The following KLHL29 variants were observed in gnomAD, a reference collection of about 807,000 sequenced individuals.
KLHL29 encodes kelch-like protein 29.
KLHL29 carries 21 observed loss-of-function variants against 80.4 expected under a neutral mutation model. That is an observed-to-expected ratio of 0.26 (90% CI 0.19 to 0.38). The LOEUF is 0.38. Among genes scored for constraint, KLHL29 ranks in the 10% least tolerant of loss-of-function variants. KLHL29 has a pLI of 1.00. For missense variants in KLHL29, 867 were observed against 1,223.9 expected, an observed-to-expected ratio of 0.71 and a Z score of 4.35; for synonymous variants, 511 against 526.8, an observed-to-expected ratio of 0.97 and a Z score of 0.41.
chr2:23,596,953 T>A lies in KLHL29; in HGVS notation c.285+34472T>A, dbSNP rs773395425. 8.5e-5 allele frequency among the ~76,000 whole-genome samples: 13 copies of A among 152,114 alleles called. No homozygotes were observed. Among genetic ancestry groups the A allele is most frequent in the African/African-American group, 2.7e-4 (11 of 41,422 alleles). On this transcript the variant is annotated intron_variant, in intron 3 of 13. Transcript: ENST00000486442. This position sits in a 1 kb window ranked among gnomAD's most constrained non-coding sequence, Gnocchi z 4.4. ...GGAAAGCTCAGGGCTGCGTTTAGAA[T>A]CAAATAGAGCTAATGGTGAAGTCTC...
Position 23,459,878 on chromosome 2 carries a change from A to G in KLHL29, c.-153-15682A>G, listed in dbSNP as rs555782495. ...ACCTTAACAAGAGAACTTTGGATAG[A>G]GTGATGGGCTAAGGGGTGAATGGGA... On this transcript the variant is annotated intron_variant, in intron 1 of 13. Transcript: ENST00000486442. 2.0e-5 allele frequency among the ~76,000 whole-genome samples: 3 copies of G among 152,266 alleles called. No homozygotes were observed. In the South Asian group the frequency reaches 6.2e-4, roughly 32 times the overall value.
rs1010502762 is a variant in KLHL29, at chr2:23,682,046, T to G, written c.941-2353T>G. On this transcript the variant is annotated intron_variant, in intron 5 of 13. Coordinates refer to ENST00000486442, the MANE Select transcript of KLHL29 (RefSeq NM_052920.2). The surrounding 1 kb of genome is among the most constrained non-coding windows in gnomAD (Gnocchi z 4.1). ...GGCCCCACCCCACAACTGATCTTCTTGTTCCCTCCCTTCCTGATGTCCCAC... is the reference window on the plus strand; with the variant it reads ...GGCCCCACCCCACAACTGATCTTCTGGTTCCCTCCCTTCCTGATGTCCCAC... 1.3e-5 allele frequency among the ~76,000 whole-genome samples: 2 copies of G among 152,046 alleles called. No individual in the cohort carries two copies. The highest frequency in any genetic ancestry group is 2.9e-5 in the Non-Finnish European group (2 of 68,014).
At chr2:23,450,355 C>A (rs559943436) in intron 1 of KLHL29, among the ~76,000 whole-genome samples, 3 of 152,086 alleles carry the variant, frequency 2.0e-5, no homozygotes, top group African/African-American at 7.2e-5. Context: ...GCTTAGATTG[C>A]GGCCTGCACA....
At chr2:23,429,037 C>T (rs967958806) in intron 1 of KLHL29, among the ~76,000 whole-genome samples, 1 of 152,202 alleles carries the variant, frequency 6.6e-6, no homozygotes, top group Non-Finnish European at 1.5e-5. Context: ...GGCCTTGACT[C>T]CCCTGTGTGC....
Position 23,532,701 on chromosome 2 carries a change from G to A in KLHL29, c.-45-29451G>A, listed in dbSNP as rs1052584116. On this transcript the variant is annotated intron_variant, in intron 2 of 13. Transcript: ENST00000486442. The stretch of plus-strand genomic sequence containing the variant: ...CCTGTGGTTTGGGGTCAGCATGGGG[G>A]TGGGTGTCAGGTGGGAGGAGGTGTG... 13 of 455,244 alleles carry A rather than the reference G, an allele frequency of 2.9e-5. No homozygotes were observed. In the East Asian group the frequency reaches 8.3e-4, roughly 29 times the overall value. The allele number at this position is 455,244 out of a possible 1,614,324, so 28.2% of individuals were successfully genotyped here.
intron 1 of KLHL29, among the ~76,000 whole-genome samples, chr2:23,416,420 C>T (rs920256924): frequency 6.6e-6 from 1 of 152,180 alleles, no homozygotes; most frequent in African/African-American, 2.4e-5. Context: ...GTTTCTTCAT[C>T]TAGCAAAAGG....
intron 3 of KLHL29, among the ~76,000 whole-genome samples, chr2:23,613,503 T>C (rs1349322187): frequency 6.6e-6 from 1 of 152,078 alleles, no homozygotes; most frequent in Admixed American, 6.5e-5. Flanking sequence ...CGGTGGCTCG[T>C]GCCTGTGATC....
At chr2:23,673,621 C>G (rs1462086201) in intron 5 of KLHL29, among the ~76,000 whole-genome samples, 1 of 151,572 alleles carries the variant, frequency 6.6e-6, no homozygotes, top group Non-Finnish European at 1.5e-5. Flanking sequence ...ACCACCTCCT[C>G]TCACACACAC....
intron 5 of KLHL29, chr2:23,672,065 C>T (rs919709905): frequency 1.3e-5 from 2 of 152,274 alleles, no homozygotes; most frequent in African/African-American, 2.4e-5. Context: ...CAGAGCCTGC[C>T]CAGGCCCTGG....
Position 23,461,975 on chromosome 2 carries a change from C to CTTTTTTTTTTT in KLHL29, c.-153-13585_-153-13584insTTTTTTTTTTT, listed in dbSNP as rs1164075132. The stretch of plus-strand genomic sequence containing the variant: ...GTGCAAAAGTAATTGCGGTTTTTGC[C>CTTTTTTTTTTT]ATTTTTTTTTTTTTAATGACAAAAA... On this transcript the variant is annotated intron_variant, in intron 1 of 13. Coordinates refer to ENST00000486442, the MANE Select transcript of KLHL29 (RefSeq NM_052920.2). Among the ~76,000 whole-genome samples, 484 of 79,450 alleles carry CTTTTTTTTTTT rather than the reference C, an allele frequency of 6.1e-3. 18 individuals are homozygous for CTTTTTTTTTTT. Among genetic ancestry groups the CTTTTTTTTTTT allele is most frequent in the African/African-American group, 0.015 (348 of 23,046 alleles). 52.1% of individuals were successfully genotyped at this position (79,450 alleles called of 152,430 possible).
intron 3 of KLHL29, among the ~76,000 whole-genome samples, chr2:23,618,348 C>T (rs1047864143): frequency 2.6e-5 from 4 of 152,048 alleles, no homozygotes; most frequent in Non-Finnish European, 5.9e-5. Context: ...TGGGTGTGTC[C>T]GTGAGGGTGT....
intron 3 of KLHL29, chr2:23,616,516 CA>C (rs1669010437): frequency 6.6e-6 from 1 of 152,146 alleles, no homozygotes; most frequent in South Asian, 2.1e-4. Flanking sequence ...TTTTTAAAAT[CA>C]AGATTTTATT....
chr2:23,592,228 ACGTCAGAAGCCCGGC>A (rs1294498005), intron 3 of KLHL29, among the ~76,000 whole-genome samples: 1 of 142,752 alleles, frequency 7.0e-6, no homozygotes, highest in Admixed American at 7.3e-5. Context: ...GCACAGGAGC[ACGTCAGAAGCCCGGC>A]CATCAGGCTG....
chr2:23,565,611 C>A (rs1667571630), intron 3 of KLHL29, among the ~76,000 whole-genome samples: 1 of 152,082 alleles, frequency 6.6e-6, no homozygotes, highest in Admixed American at 6.6e-5. Flanking sequence ...AGCTGTGGCG[C>A]CCTTTCCTCT....
At chr2:23,487,048 G>A (rs1163467305) in intron 2 of KLHL29, among the ~76,000 whole-genome samples, 1 of 152,124 alleles carries the variant, frequency 6.6e-6, no homozygotes, top group African/African-American at 2.4e-5. Context: ...ATCCAAGGTC[G>A]CTGAACTAGA....
chr2:23,639,401 C>G, intron 4 of KLHL29, 121 bp downstream of exon 4: 1 of 962,318 alleles, frequency 1.0e-6, no homozygotes, highest in Non-Finnish European at 1.5e-6. Context: ...CAGAAGCCCC[C>G]TCCTCAGGTT....
At chr2:23,494,723 A>G (rs9309130) in intron 2 of KLHL29, among the ~76,000 whole-genome samples, 45,767 of 152,028 alleles carry the variant, frequency 0.3, 7,116 homozygotes, top group South Asian at 0.38. Context: ...GGATCATGAA[A>G]GACCCCCTCG....
chr2:23,507,385 C>T (rs1266487421), intron 2 of KLHL29, among the ~76,000 whole-genome samples: 1 of 152,200 alleles, frequency 6.6e-6, no homozygotes, highest in Admixed American at 6.5e-5. Context: ...TTATCTCCGC[C>T]TCAAATGGCC....
At chr2:23,626,819 C>T (rs994773299) in intron 3 of KLHL29, among the ~76,000 whole-genome samples, 9 of 152,208 alleles carry the variant, frequency 5.9e-5, no homozygotes, top group African/African-American at 2.2e-4. Flanking sequence ...CAGAAGCCCT[C>T]CCTTGGACGT....
Sources: allele counts gnomAD v4.1 joint callset (sites outside exome capture counted in the v4.1 genomes callset), GRCh38; gene constraint gnomAD v4.1.1; non-coding constraint Gnocchi (gnomAD v3.1); transcripts MANE v1.5; gene names NCBI Gene and HGNC (gene_info 2026-07-23, HGNC 2026-07-21).